SUPT3H: variants seen among roughly 807,000 people sequenced by gnomAD.
The protein encoded by SUPT3H is transcription initiation protein SPT3 homolog.
A neutral mutation model predicts 44.3 loss-of-function variants in SUPT3H; 44 were observed. That is an observed-to-expected ratio of 0.99 (90% CI 0.78 to 1.28). The LOEUF (loss-of-function observed/expected upper bound fraction) is 1.28. SUPT3H is among the 50% of genes most tolerant of loss of function. The pLI is 0.00. For missense variants in SUPT3H, 380 were observed against 387.1 expected, an observed-to-expected ratio of 0.98 and a Z score of 0.15; for synonymous variants, 124 against 125.6, an observed-to-expected ratio of 0.99 and a Z score of 0.09.
At chr6:44,893,223 ATG>A (rs1763572782) in intron 10 of SUPT3H, among the ~76,000 whole-genome samples, 1 of 151,962 alleles carries the variant, frequency 6.6e-6, no homozygotes, top group African/African-American at 2.4e-5. Flanking sequence ...AATAATAAAA[ATG>A]TATTTTTTTT....
At chr6:45,259,173 T>C (rs979027330) in intron 2 of SUPT3H, among the ~76,000 whole-genome samples, 21 of 152,104 alleles carry the variant, frequency 1.4e-4, no homozygotes, top group African/African-American at 4.8e-4. Context: ...GAAAATAAGA[T>C]GCGTTTATCA....
At chr6:44,860,240 TC>T (rs569908060) in intron 10 of SUPT3H, among the ~76,000 whole-genome samples, 273 of 152,334 alleles carry the variant, frequency 1.8e-3, no homozygotes, top group African/African-American at 6.4e-3. Flanking sequence ...TTAATACATA[TC>T]CTCTGCCCTG....
intron 10 of SUPT3H, among the ~76,000 whole-genome samples, chr6:44,850,745 C>CATCTATCTATCTATCTATCT (rs56936002): frequency 6.0e-4 from 88 of 147,554 alleles, no homozygotes; most frequent in East Asian, 2.0e-3. Flanking sequence ...GTTTTATATA[C>CATCTATCTATCTATCTATCT]ATCTATCTAT....
At chr6:44,972,888 C>A (rs1190241368) in intron 6 of SUPT3H, among the ~76,000 whole-genome samples, 1 of 152,182 alleles carries the variant, frequency 6.6e-6, no homozygotes, top group Non-Finnish European at 1.5e-5. Context: ...GGCCCTGGGC[C>A]TGACTCATGA....
intron 2 of SUPT3H, among the ~76,000 whole-genome samples, chr6:45,124,183 T>C (rs1243417644): frequency 6.6e-6 from 1 of 152,186 alleles, no homozygotes; most frequent in Non-Finnish European, 1.5e-5. Context: ...GAGTAAGAGC[T>C]TGAGTTAATG....
At chr6:45,158,275 C>CAT (rs70996305) in intron 2 of SUPT3H, among the ~76,000 whole-genome samples, 656 of 62,160 alleles carry the variant, frequency 0.011, 23 homozygotes, top group Admixed American at 0.032. Context: ...TATAAATATA[C>CAT]ATATATATAT....
chr6:44,862,249 C>G (rs1410560332), intron 10 of SUPT3H, among the ~76,000 whole-genome samples: 1 of 151,948 alleles, frequency 6.6e-6, no homozygotes, highest in Non-Finnish European at 1.5e-5. Flanking sequence ...TGGCTTAACT[C>G]TTCTTACTCT....
rs138913796 is a variant in SUPT3H, at chr6:45,123,481, C to T, written c.102-17475G>A. On this transcript the variant is annotated intron_variant, in intron 2 of 10. Transcript: ENST00000371459. ...CTCCACCCTCTGGTCTCAAGTGATC[C>T]TCCCACCTAGGCCTCCCATAGTGCT... Among the ~76,000 whole-genome samples, 79 of 151,738 alleles carry T rather than the reference C, an allele frequency of 5.2e-4. 3 individuals are homozygous for T. The East Asian group carries it at 0.014, about 28-fold the overall frequency.
chr6:45,286,703 A>ACCCAGCC (rs1212401059), intron 2 of SUPT3H, among the ~76,000 whole-genome samples: 1 of 152,186 alleles, frequency 6.6e-6, no homozygotes, highest in African/African-American at 2.4e-5. Context: ...AGGGATCTTG[A>ACCCAGCC]ACTGGAAATA....
downstream of SUPT3H, among the ~76,000 whole-genome samples, chr6:44,824,956 T>A (rs1767631230): frequency 6.6e-6 from 1 of 152,222 alleles, no homozygotes; most frequent in Non-Finnish European, 1.5e-5. Context: ...AAAGGGTCAT[T>A]TATTTAAAGT....
chr6:45,114,369 T>C (rs1450717014), intron 2 of SUPT3H, among the ~76,000 whole-genome samples: 3 of 89,200 alleles, frequency 3.4e-5, no homozygotes, highest in African/African-American at 1.3e-4. Context: ...GTTAGAAAGA[T>C]GAGAGAAAAA....
At chr6:45,240,390 A>T (rs948626530) in intron 2 of SUPT3H, among the ~76,000 whole-genome samples, 6 of 152,210 alleles carry the variant, frequency 3.9e-5, no homozygotes, top group African/African-American at 1.2e-4. Flanking sequence ...CTTATTGGGC[A>T]TATTTATCAA....
chr6:45,309,805 C>T (rs1032612142), intron 2 of SUPT3H, among the ~76,000 whole-genome samples: 2 of 151,954 alleles, frequency 1.3e-5, no homozygotes, highest in African/African-American at 4.8e-5. Flanking sequence ...GCAGTTTTCT[C>T]GGTAGACACC....
At position 45,043,076 on chromosome 6, in the gene SUPT3H, T is replaced by C. The variant is rs1298289099; in HGVS notation, c.187-22444A>G. Reference sequence around the variant, plus strand: ...TGAAAAAAGAATCTTTTCTGTTTCATTGGTTATTTGAACTATCCCATAAGA... The same window carrying C: ...TGAAAAAAGAATCTTTTCTGTTTCACTGGTTATTTGAACTATCCCATAAGA... On this transcript the variant is annotated intron_variant, in intron 3 of 10. Coordinates refer to ENST00000371459, the MANE Select transcript of SUPT3H (RefSeq NM_003599.4). Among the ~76,000 whole-genome samples, 4 of 151,954 alleles carry C rather than the reference T, an allele frequency of 2.6e-5. No homozygotes were observed. In the East Asian group the frequency reaches 5.8e-4, roughly 22 times the overall value.
chr6:45,273,801 A>G (rs970071227), intron 2 of SUPT3H, among the ~76,000 whole-genome samples: 4 of 152,130 alleles, frequency 2.6e-5, no homozygotes, highest in Non-Finnish European at 5.9e-5. Context: ...GTGGACTTAT[A>G]TTTTCATTTC....
intron 9 of SUPT3H, among the ~76,000 whole-genome samples, chr6:44,935,095 C>T (rs551111156): frequency 7.5e-4 from 114 of 152,170 alleles, no homozygotes; most frequent in African/African-American, 2.6e-3. Flanking sequence ...AGCTACTAGG[C>T]GCACTTTTAT....
At chr6:45,137,586 T>C (rs1804513630) in intron 2 of SUPT3H, among the ~76,000 whole-genome samples, 1 of 151,982 alleles carries the variant, frequency 6.6e-6, no homozygotes, top group East Asian at 1.9e-4. Flanking sequence ...AATTAAGGTA[T>C]TATTCTGCAG....
intron 10 of SUPT3H, 158 bp from the exon 11 acceptor site, chr6:44,830,015 C>T (rs768250701): frequency 1.3e-4 from 84 of 649,412 alleles, no homozygotes; most frequent in Non-Finnish European, 1.9e-4. Flanking sequence ...AAAACTATAG[C>T]AACCATTCTG....
At chr6:45,305,588 T>C (rs536725073) in intron 2 of SUPT3H, among the ~76,000 whole-genome samples, 65 of 152,348 alleles carry the variant, frequency 4.3e-4, no homozygotes, top group Middle Eastern at 3.4e-3. Context: ...CTCAGCATTG[T>C]TCACTACAAA....
Sources: allele counts gnomAD v4.1 joint callset (sites outside exome capture counted in the v4.1 genomes callset), GRCh38; gene constraint gnomAD v4.1.1; transcripts MANE v1.5; gene names NCBI Gene and HGNC (gene_info 2026-07-23, HGNC 2026-07-21).